IAH1: variants seen among roughly 807,000 people sequenced by gnomAD.
IAH1 encodes isoamyl acetate hydrolyzing esterase 1 (putative), also known as isoamyl acetate-hydrolyzing esterase 1 homolog.
In IAH1, 24 loss-of-function variants were observed where a neutral mutation model predicts 26.7. The ratio of observed to expected loss-of-function variants is 0.90; its 90% confidence interval spans 0.65 to 1.26. The LOEUF (loss-of-function observed/expected upper bound fraction) is 1.26, where lower values mean the gene tolerates loss of function less well. Among genes scored for constraint, IAH1 ranks in the 50% most tolerant of loss-of-function variants. The pLI is 0.00. For synonymous variants in IAH1, 140 were observed against 118.5 expected, an observed-to-expected ratio of 1.18 and a Z score of -1.18; for missense variants, 300 against 299.9, an observed-to-expected ratio of 1.00 and a Z score of 0.00.
At chr2:9,476,080 A>G in intron 2 of IAH1, 41 bp downstream of exon 2, 1 of 1,539,458 alleles carries the variant, frequency 6.5e-7, no homozygotes, top group Non-Finnish European at 9.0e-7. Context: ...ATGGATGGAA[A>G]ATGTCTTAGG....
At position 9,478,319 on chromosome 2, in the gene IAH1, A is replaced by G. The variant is rs776873249; in HGVS notation, c.232A>G (p.Ile78Val). The G allele has an allele frequency of 5.6e-6, 9 of 1,613,248 alleles. No homozygotes were observed. The highest frequency in any genetic ancestry group is 5.9e-6 in the Non-Finnish European group (7 of 1,179,626). ...RLIRKGNSLD[I>V]PVAVTIFFGA... ...AATCAGGAAAGGAAACAGTTTGGAC[A>G]TCCCAGTAGCAGTTACAATTTTCTT... Residue 78 changes from isoleucine (I) to valine (V), a missense_variant, in exon 3 of 6, where the codon ATC (isoleucine) becomes GTC (valine). Physicochemically the swap from Ile to Val is conservative, Grantham distance 29. Coordinates refer to ENST00000497473, the MANE Select transcript of IAH1 (RefSeq NM_001039613.3).
downstream of IAH1, among the ~76,000 whole-genome samples, chr2:9,492,387 A>C (rs1323416419): frequency 6.6e-6 from 1 of 152,220 alleles, no homozygotes; most frequent in African/African-American, 2.4e-5. Flanking sequence ...TGAGAACAGA[A>C]AAGACTGCTT....
At chr2:9,475,234 G>C (rs910673469) in intron 1 of IAH1, 120 of 1,283,508 alleles carry the variant, frequency 9.3e-5, no homozygotes, top group Non-Finnish European at 1.2e-4. Flanking sequence ...ACTTCGGGGA[G>C]GGAGTAGAAA....
intron 1 of IAH1, 175 bp from the exon 2 acceptor site, chr2:9,475,812 C>A: frequency 1.6e-6 from 1 of 624,420 alleles, no homozygotes; most frequent in South Asian, 2.0e-5. Context: ...AAATCCCCCT[C>A]TGCTAAAGTG....
At position 9,488,239 on chromosome 2, in the gene IAH1, G is replaced by T. The variant is rs1321687032; in HGVS notation, c.657G>T (p.Lys219Asn). ...FSHLWPLIEKKVSSLPLLLPY... is the reference protein window; with the variant it reads ...FSHLWPLIEKNVSSLPLLLPY... Reference sequence around the variant, plus strand: ...ATCTCTGGCCTTTGATAGAGAAAAAGGTCTCTTCTCTACCTTTGCTGCTTC... The same window carrying T: ...ATCTCTGGCCTTTGATAGAGAAAAATGTCTCTTCTCTACCTTTGCTGCTTC... Residue 219 changes from lysine (K) to asparagine (N), a missense_variant, in exon 6 of 6, where the codon AAG becomes AAT. Coordinates refer to ENST00000497473, the MANE Select transcript of IAH1 (RefSeq NM_001039613.3). 1 of 1,613,260 alleles carries T rather than the reference G, an allele frequency of 6.2e-7. No homozygotes were observed. The highest frequency in any genetic ancestry group is 1.1e-5 in the South Asian group (1 of 91,018).
chr2:9,498,382 G>A (rs1662774479), downstream of IAH1, among the ~76,000 whole-genome samples: 1 of 152,152 alleles, frequency 6.6e-6, no homozygotes, highest in Non-Finnish European at 1.5e-5. Context: ...GGAGAGACAG[G>A]ATGGAATGAG....
At chr2:9,510,135 A>G in the IAH1 span, 19 of 1,614,024 alleles carry the variant, frequency 1.2e-5, no homozygotes, top group African/African-American at 2.4e-4. Context: ...CAGCTTCCTT[A>G]AGGATCATGC....
chr2:9,487,866 GTC>G (rs1661694974), intron 5 of IAH1, among the ~76,000 whole-genome samples: 1 of 150,316 alleles, frequency 6.7e-6, no homozygotes, highest in South Asian at 2.1e-4. Context: ...GGGGGAGACA[GTC>G]TATCACCCAG....
chr2:9,491,578 G>A (rs186377855), downstream of IAH1, among the ~76,000 whole-genome samples: 38 of 130,568 alleles, frequency 2.9e-4, no homozygotes, highest in Non-Finnish European at 5.6e-4. Context: ...GCACTGCCCC[G>A]GCCCATGGCC....
In IAH1 at chr2:9,489,083, A is replaced by C. The variant is rs1234710448; in HGVS notation, c.*754A>C. ...TTCTGAAGTATCAAGTCTTGTGGGG[A>C]CAGCCCCCAACCCTAAGGGCAGGTA... On this transcript the variant is annotated 3_prime_UTR_variant, in exon 6 of 6. Coordinates refer to ENST00000497473, the MANE Select transcript of IAH1 (RefSeq NM_001039613.3). 6.6e-6 allele frequency: 1 copy of C among 152,156 alleles called. No individual in the cohort carries two copies. Among genetic ancestry groups the C allele is most frequent in the African/African-American group, 2.4e-5 (1 of 41,420 alleles). 9.4% of individuals were successfully genotyped at this position (152,156 alleles called of 1,614,324 possible).
chr2:9,502,230 G>T, the IAH1 span: 1 of 1,614,016 alleles, frequency 6.2e-7, no homozygotes, highest in African/African-American at 1.3e-5. Context: ...CACTTCTTCT[G>T]GGCAGTCTCA....
At chr2:9,496,450 A>AGAG (rs1156596952) in exon 7 of IAH1, 4 of 152,318 alleles carry the variant, frequency 2.6e-5, no homozygotes, top group African/African-American at 9.7e-5. Context: ...TTTGAAAGCA[A>AGAG]GAGAACTCCC....
At chr2:9,487,788 TTGTG>T (rs70948823) in intron 5 of IAH1, among the ~76,000 whole-genome samples, 9,992 of 133,598 alleles carry the variant, frequency 0.075, 428 homozygotes, top group East Asian at 0.21. Flanking sequence ...CCCGGCCTTT[TTGTG>T]TGTGTGTGTG....
chr2:9,508,636 T>TA, the IAH1 span, among the ~76,000 whole-genome samples: 1 of 152,198 alleles, frequency 6.6e-6, no homozygotes. Context: ...TTAAATAAAA[T>TA]AGAATTTACA....
chr2:9,505,022 T>A, the IAH1 span: 9 of 910,238 alleles, frequency 9.9e-6, no homozygotes, highest in South Asian at 1.5e-4. Context: ...AATTTCTTGC[T>A]GTGAAGGGCA....
intron 3 of IAH1, 32 bp downstream of exon 3, chr2:9,478,402 C>G: frequency 6.5e-7 from 1 of 1,542,340 alleles, no homozygotes; most frequent in Non-Finnish European, 8.8e-7. Flanking sequence ...TTCTAGCTCA[C>G]TTTTAATCAT....
chr2:9,490,336 C>T, downstream of IAH1: 1 of 1,614,100 alleles, frequency 6.2e-7, no homozygotes, highest in Non-Finnish European at 8.5e-7. Context: ...CATCCTCGTC[C>T]ATATGTGAGT....
chr2:9,473,997 C>T (rs1473218227), upstream of IAH1: 1 of 152,324 alleles, frequency 6.6e-6, no homozygotes, highest in Non-Finnish European at 1.5e-5. Flanking sequence ...CGCATCCACC[C>T]CACGGCGGGA....
the IAH1 span, among the ~76,000 whole-genome samples, chr2:9,509,243 G>A: frequency 6.6e-6 from 1 of 152,150 alleles, no homozygotes; most frequent in Non-Finnish European, 1.5e-5. Context: ...TGCAACTATT[G>A]TTTTCCTCAC....
Sources: allele counts gnomAD v4.1 joint callset (sites outside exome capture counted in the v4.1 genomes callset), GRCh38; gene constraint gnomAD v4.1.1; transcripts MANE v1.5; gene names NCBI Gene and HGNC (gene_info 2026-07-23, HGNC 2026-07-21).